Variants in LAMP2 observed in about 807,000 individuals in gnomAD.
LAMP2 encodes lysosome-associated membrane glycoprotein 2.
LAMP2 carries 4 observed loss-of-function variants against 25.6 expected under a neutral mutation model. The observed-to-expected ratio is 0.16, with a 90% CI of 0.08 to 0.36. The LOEUF (loss-of-function observed/expected upper bound fraction) is 0.36, where lower values mean the gene tolerates loss of function less well. Ranked by LOEUF, LAMP2 falls within the 10% of genes least tolerant of loss-of-function variation. The pLI is 1.00. For synonymous variants in LAMP2, 108 were observed against 112.7 expected (o/e 0.96, Z 0.27); for missense variants, 272 against 301.4 (o/e 0.90, Z 0.72).
At position 120,430,909 on chromosome X, in the gene LAMP2, A is replaced by G; in HGVS notation, c.*414T>C. 1 of 793,018 alleles carries G rather than the reference A, an allele frequency of 1.3e-6. No individual in the cohort carries two copies. The highest frequency in any genetic ancestry group is 1.5e-6 in the Non-Finnish European group (1 of 660,163). The allele number at this position is 793,018 out of a possible 1,213,427, so 65.4% of individuals were successfully genotyped here. The stretch of plus-strand genomic sequence containing the variant: ...GGCACATTGATGAGTTTAAATCACT[A>G]TAGTCCTTATACATTGAAACAGAAC... On this transcript the variant is annotated 3_prime_UTR_variant, in exon 9 of 9. Transcript: ENST00000200639.
rs2058595207 is a variant in LAMP2, at chrX:120,446,194, C to T, written c.864+111G>A. On this transcript the variant is annotated intron_variant, in intron 6 of 8. Transcript: ENST00000200639. ...ATGGACTACACTTTATAATTGAGTACTGTAGAACTGGAAAATAAAGCTAAA... is the reference window on the plus strand; with the variant it reads ...ATGGACTACACTTTATAATTGAGTATTGTAGAACTGGAAAATAAAGCTAAA... 3.9e-5 allele frequency: 27 copies of T among 684,753 alleles called. No individual in the cohort carries two copies. The South Asian group carries it at 6.0e-4, about 15-fold the overall frequency. 56.4% of individuals were successfully genotyped at this position (684,753 alleles called of 1,213,427 possible). A position where few individuals can be genotyped will look rare whatever the true frequency, so the allele number is the denominator to read the frequency against.
intron 1 of LAMP2, among the ~76,000 whole-genome samples, chrX:120,466,165 A>G (rs1202227359): frequency 8.9e-6 from 1 of 112,232 alleles, no homozygotes. Flanking sequence ...AAACTAGCAG[A>G]TGAGCTGATG....
intron 6 of LAMP2, among the ~76,000 whole-genome samples, chrX:120,445,502 G>C (rs1021284820): frequency 1.8e-5 from 2 of 112,181 alleles, no homozygotes; most frequent in Non-Finnish European, 3.8e-5. Flanking sequence ...AACAGAACTG[G>C]TTTTTATCTA....
intron 5 of LAMP2, among the ~76,000 whole-genome samples, chrX:120,447,265 G>C (rs2058600574): frequency 9.0e-6 from 1 of 111,546 alleles, no homozygotes; most frequent in Admixed American, 9.6e-5. Flanking sequence ...AAAATTAGTT[G>C]TGCATGGCAG....
In LAMP2 at chrX:120,428,940, A is replaced by T; in HGVS notation, c.*2383T>A. On this transcript the variant is annotated 3_prime_UTR_variant, in exon 9 of 9. Transcript: ENST00000200639. ...GGTTAAGGAGCCATCATCTACACTTAAAACCACTGCCTGTGTATTTCCCTA... is the reference window on the plus strand; with the variant it reads ...GGTTAAGGAGCCATCATCTACACTTTAAACCACTGCCTGTGTATTTCCCTA... The T allele has an allele frequency of 1.3e-6, 1 of 745,499 alleles. No homozygotes were observed. The highest frequency in any genetic ancestry group is 1.6e-6 in the Non-Finnish European group (1 of 632,009). The allele number at this position is 745,499 out of a possible 1,213,427, so 61.4% of individuals were successfully genotyped here.
chrX:120,445,882 C>T (rs2058593706), intron 6 of LAMP2, among the ~76,000 whole-genome samples: 1 of 112,090 alleles, frequency 8.9e-6, no homozygotes, highest in Non-Finnish European at 1.9e-5. Flanking sequence ...ATTTTTATTA[C>T]TGACACTATC....
chrX:120,438,704 AC>A, intron 8 of LAMP2: 1 of 744,493 alleles, frequency 1.3e-6, no homozygotes, highest in Non-Finnish European at 1.6e-6. Context: ...ACACACACAC[AC>A]ACACACACAC....
chrX:120,450,250 C>A, intron 3 of LAMP2, among the ~76,000 whole-genome samples: 1 of 111,507 alleles, frequency 9.0e-6, no homozygotes, highest in Non-Finnish European at 1.9e-5. Context: ...CGATGATCAC[C>A]CAAGTGGTTT....
intron 3 of LAMP2, among the ~76,000 whole-genome samples, chrX:120,452,755 T>C (rs1028298429): frequency 2.1e-5 from 2 of 96,736 alleles, no homozygotes; most frequent in Non-Finnish European, 4.1e-5. Context: ...AGTCTTAATA[T>C]GTTGCCCAGG....
chrX:120,455,531 T>C lies in LAMP2; in HGVS notation c.223A>G (p.Asn75Asp). The change falls in exon 3 of 9, where the codon AAT (asparagine) becomes GAT (aspartate). Residue 75 changes from asparagine to aspartate, a missense_variant. Transcript: ENST00000200639. ...TISDHGTVTY[N>D]GSICGDDQNG... is the part of the protein sequence containing the mutation. ...TGATCATCCCCACAAATGCTTCCATTATATGTCACAGTGCCATGGTCTGAA... is the reference window on the plus strand; with the variant it reads ...TGATCATCCCCACAAATGCTTCCATCATATGTCACAGTGCCATGGTCTGAA... 1 of 1,209,917 alleles carries C rather than the reference T, an allele frequency of 8.3e-7. No homozygotes were observed. The highest frequency in any genetic ancestry group is 1.1e-6 in the Non-Finnish European group (1 of 894,134).
chrX:120,429,985 C>T lies in LAMP2; in HGVS notation c.*1338G>A, dbSNP rs2058516087. ...AAATGTTGCTACGGTTCTGAGTACA[C>T]AACACTCATCTCAGTAACCACACAT... is the stretch of plus-strand genomic sequence containing the variant. On this transcript the variant is annotated 3_prime_UTR_variant, in exon 9 of 9. Coordinates refer to ENST00000200639, the MANE Select transcript of LAMP2 (RefSeq NM_002294.3). 1 of 754,117 alleles carries T rather than the reference C, an allele frequency of 1.3e-6. No homozygotes were observed. The highest frequency in any genetic ancestry group is 2.3e-5 in the African/African-American group (1 of 43,913). 62.1% of individuals were successfully genotyped at this position (754,117 alleles called of 1,213,427 possible). A position where few individuals can be genotyped will look rare whatever the true frequency, so the allele number is the denominator to read the frequency against.
intron 1 of LAMP2, among the ~76,000 whole-genome samples, chrX:120,466,300 C>T (rs2147292845): frequency 8.9e-6 from 1 of 112,264 alleles, no homozygotes; most frequent in African/African-American, 3.2e-5. Context: ...TGAAAGCCAA[C>T]AAGTAGGACA....
At position 120,430,741 on chromosome X, in the gene LAMP2, A is replaced by G; in HGVS notation, c.*582T>C. 1.3e-6 allele frequency: 1 copy of G among 755,298 alleles called. No individual in the cohort carries two copies. Among genetic ancestry groups the G allele is most frequent in the African/African-American group, 2.3e-5 (1 of 43,947 alleles). The allele number at this position is 755,298 out of a possible 1,213,427, so 62.2% of individuals were successfully genotyped here. ...AACTTCATGCTTAACTTGAACTCAG[A>G]GAAATCAGCAAAAGTCACATAACCT... On this transcript the variant is annotated 3_prime_UTR_variant, in exon 9 of 9. Transcript: ENST00000200639.
intron 8 of LAMP2, chrX:120,437,138 C>T: frequency 1.3e-6 from 1 of 748,670 alleles, no homozygotes; most frequent in Non-Finnish European, 1.6e-6. Context: ...CTCGCTGTAG[C>T]TCTAAGAGAG....
chrX:120,434,413 T>G (rs1420474349), intron 8 of LAMP2, among the ~76,000 whole-genome samples: 1 of 112,153 alleles, frequency 8.9e-6, no homozygotes, highest in African/African-American at 3.2e-5. Context: ...GAAATATTAA[T>G]TTATAATAAC....
At chrX:120,468,985 C>T in intron 1 of LAMP2, 121 bp downstream of exon 1, 1 of 815,258 alleles carries the variant, frequency 1.2e-6, no homozygotes. Context: ...CCGCCGCCGC[C>T]CAGTGTTAGC....
intron 3 of LAMP2, 104 bp downstream of exon 3, chrX:120,455,253 T>C (rs760327658): frequency 4.7e-5 from 32 of 679,596 alleles, no homozygotes; most frequent in Non-Finnish European, 6.7e-5. Flanking sequence ...GAAGTTTCCA[T>C]GCTAGTTAGG....
At chrX:120,468,630 TCTC>T (rs1483367254) in intron 1 of LAMP2, among the ~76,000 whole-genome samples, 1 of 110,075 alleles carries the variant, frequency 9.1e-6, no homozygotes, top group Non-Finnish European at 1.9e-5. Context: ...CCCACACACT[TCTC>T]CCAAGCTACT....
At chrX:120,454,026 C>T in intron 3 of LAMP2, among the ~76,000 whole-genome samples, 1 of 111,046 alleles carries the variant, frequency 9.0e-6, no homozygotes, top group Admixed American at 9.6e-5. Context: ...GTCAATTGAG[C>T]TCTGAAAATA....
Sources: allele counts gnomAD v4.1 joint callset (sites outside exome capture counted in the v4.1 genomes callset), GRCh38; gene constraint gnomAD v4.1.1; transcripts MANE v1.5; gene names NCBI Gene and HGNC (gene_info 2026-07-23, HGNC 2026-07-21).